Variants in ZNF610 observed in about 807,000 individuals in gnomAD.
The protein encoded by ZNF610 is zinc finger protein 610.
In ZNF610, 14 loss-of-function variants were observed where a neutral mutation model predicts 14.1. The ratio of observed to expected loss-of-function variants is 0.99; its 90% CI spans 0.65 to 1.55. The LOEUF (loss-of-function observed/expected upper bound fraction) is 1.55. Among genes scored for constraint, ZNF610 ranks in the 40% most tolerant of loss-of-function variants. The pLI, the probability that ZNF610 is intolerant of heterozygous loss-of-function variation, is 0.00. For missense variants in ZNF610, 530 were observed against 558.0 expected, an observed-to-expected ratio of 0.95 and a Z score of 0.51; for synonymous variants, 185 against 187.6, an observed-to-expected ratio of 0.99 and a Z score of 0.11.
rs114018702 is a variant in ZNF610, at chr19:52,339,308, C to T, written c.-258+2802C>T. 7.1e-3 allele frequency among the ~76,000 whole-genome samples: 1,078 copies of T among 152,014 alleles called. 16 individuals carry two copies. Among genetic ancestry groups the T allele is most frequent in the African/African-American group, 0.024 (1,004 of 41,468 alleles). The stretch of plus-strand genomic sequence containing the variant: ...CTCTTTCACTAATCCTCAGCACAGA[C>T]CCTTTATGGGTTCCAGGCTGGGGGA... On this transcript the variant is annotated intron_variant, in intron 1 of 5. Transcript: ENST00000403906.
intron 5 of ZNF610, among the ~76,000 whole-genome samples, chr19:52,358,824 T>G (rs1205109532): frequency 6.6e-6 from 1 of 152,256 alleles, no homozygotes; most frequent in African/African-American, 2.4e-5. Flanking sequence ...AGATAATTTT[T>G]GCATACGGTG....
chr19:52,334,470 G>A (rs989913422), upstream of ZNF610, among the ~76,000 whole-genome samples: 7 of 144,538 alleles, frequency 4.8e-5, no homozygotes, highest in South Asian at 2.2e-4. Flanking sequence ...CTGAGATTGC[G>A]CCACTGCACT....
At chr19:52,330,935 G>T in the ZNF610 span, among the ~76,000 whole-genome samples, 1 of 152,128 alleles carries the variant, frequency 6.6e-6, no homozygotes, top group South Asian at 2.1e-4. Flanking sequence ...TGATATACAT[G>T]AATGATTAAA....
intron 3 of ZNF610, among the ~76,000 whole-genome samples, chr19:52,350,383 T>A (rs968244117): frequency 3.3e-5 from 5 of 152,130 alleles, no homozygotes; most frequent in African/African-American, 1.2e-4. Flanking sequence ...TAGAAATATA[T>A]TTATACAGCA....
At chr19:52,349,306 C>T (rs1003402580) in intron 3 of ZNF610, 71 bp downstream of exon 3, 44 of 1,504,346 alleles carry the variant, frequency 2.9e-5, no homozygotes, top group African/African-American at 6.9e-5. Context: ...CTGCCTGACA[C>T]GTTTGCTCAC....
chr19:52,334,429 G>C (rs321924), upstream of ZNF610, among the ~76,000 whole-genome samples: 96,168 of 151,414 alleles, frequency 0.64, 30,830 homozygotes, highest in African/African-American at 0.71. Flanking sequence ...AGGAGAATTG[G>C]TTGAACCCGG....
intron 5 of ZNF610, among the ~76,000 whole-genome samples, chr19:52,362,687 T>G (rs1023179732): frequency 1.6e-4 from 24 of 152,266 alleles, no homozygotes; most frequent in Non-Finnish European, 7.3e-5. Context: ...ATTGGTTTTT[T>G]AGATGTGTTG....
upstream of ZNF610, among the ~76,000 whole-genome samples, chr19:52,333,328 G>A: frequency 6.6e-6 from 1 of 152,202 alleles, no homozygotes; most frequent in East Asian, 1.9e-4. Flanking sequence ...CGGTAACCAA[G>A]CCGACAAGGC....
At chr19:52,351,574 A>G (rs1296599225) in intron 3 of ZNF610, among the ~76,000 whole-genome samples, 1 of 151,616 alleles carries the variant, frequency 6.6e-6, no homozygotes, top group African/African-American at 2.4e-5. Context: ...AGCTTTGTCT[A>G]GGATGCATCC....
At chr19:52,334,089 C>T (rs916998356), upstream of ZNF610, among the ~76,000 whole-genome samples, 20 of 152,110 alleles carry the variant, frequency 1.3e-4, no homozygotes, top group African/African-American at 4.8e-4. Flanking sequence ...AACTGTAAAA[C>T]CCATACAAAA....
At chr19:52,330,807 T>G in the ZNF610 span, among the ~76,000 whole-genome samples, 1 of 152,148 alleles carries the variant, frequency 6.6e-6, no homozygotes, top group African/African-American at 2.4e-5. Context: ...CCTTCTAGAT[T>G]ATGGGAAGGC....
At position 52,366,443 on chromosome 19, in the gene ZNF610, G is replaced by A; in HGVS notation, c.1065G>A (p.Leu355=). Reference sequence around the variant, plus strand: ...ATGAATGTGGCAAGGTCTTTAGTCTGCTTTCATACCTTGCACGGCATCAAA... The same window carrying A: ...ATGAATGTGGCAAGGTCTTTAGTCTACTTTCATACCTTGCACGGCATCAAA... The part of the protein sequence containing the change: ...KCNECGKVFS[L]LSYLARHQII... The change falls in exon 6 of 6, where the codon CTG becomes CTA. Residue 355 remains leucine, a synonymous_variant. Coordinates refer to ENST00000403906, the MANE Select transcript of ZNF610 (RefSeq NM_001161425.2). The A allele has an allele frequency of 6.2e-7, 1 of 1,614,020 alleles. No homozygotes were observed. Among genetic ancestry groups the A allele is most frequent in the Non-Finnish European group, 8.5e-7 (1 of 1,180,014 alleles).
chr19:52,355,168 C>T (rs1175189068), intron 5 of ZNF610, among the ~76,000 whole-genome samples: 1 of 152,188 alleles, frequency 6.6e-6, no homozygotes, highest in Non-Finnish European at 1.5e-5. Context: ...CCAGGGGTCT[C>T]TTTCCCCTGT....
At chr19:52,335,882 G>T (rs1459670941), upstream of ZNF610, among the ~76,000 whole-genome samples, 3 of 152,078 alleles carry the variant, frequency 2.0e-5, no homozygotes, top group Non-Finnish European at 4.4e-5. Context: ...AGTCTACACT[G>T]AGTATAGCAC....
intron 5 of ZNF610, among the ~76,000 whole-genome samples, chr19:52,359,692 C>A (rs1232136302): frequency 6.6e-6 from 1 of 152,142 alleles, no homozygotes; most frequent in East Asian, 1.9e-4. Context: ...TTTTTTCCCA[C>A]ACATCAAGCA....
chr19:52,353,955 G>C (rs1985392727), intron 4 of ZNF610, 147 bp downstream of exon 4: 1 of 1,115,858 alleles, frequency 9.0e-7, no homozygotes, highest in Non-Finnish European at 1.3e-6. Flanking sequence ...ATGCTCTCTG[G>C]ATTTGAAATG....
chr19:52,337,538 G>T (rs550606109), intron 1 of ZNF610, among the ~76,000 whole-genome samples: 2 of 151,810 alleles, frequency 1.3e-5, no homozygotes, highest in Non-Finnish European at 2.9e-5. Flanking sequence ...AGCAGGAGAG[G>T]AGAGGGGCAG....
At chr19:52,361,807 T>C (rs1030739439) in intron 5 of ZNF610, among the ~76,000 whole-genome samples, 1 of 152,198 alleles carries the variant, frequency 6.6e-6, no homozygotes, top group African/African-American at 2.4e-5. Flanking sequence ...TTCATGACTT[T>C]AGTGCTTCTC....
At position 52,366,846 on chromosome 19, in the gene ZNF610, A is replaced by C. The variant is rs1436213244; in HGVS notation, c.*79A>C. On this transcript the variant is annotated 3_prime_UTR_variant, in exon 6 of 6. Transcript: ENST00000403906. ...AGGAGAAAAACCTTACAAATATCATAAATGTGGCAAAGAATTTAGTTTGCA... is the reference window on the plus strand; with the variant it reads ...AGGAGAAAAACCTTACAAATATCATCAATGTGGCAAAGAATTTAGTTTGCA... The C allele has an allele frequency of 2.6e-6, 3 of 1,152,248 alleles. No homozygotes were observed. Among genetic ancestry groups the C allele is most frequent in the Non-Finnish European group, 3.7e-6 (3 of 814,162 alleles). 71.4% of individuals were successfully genotyped at this position (1,152,248 alleles called of 1,614,324 possible).
Sources: gnomAD v4.1 joint callset for allele counts (sites outside exome capture counted in the v4.1 genomes callset) on GRCh38, gnomAD v4.1.1 for gene constraint, MANE v1.5 for transcripts, NCBI Gene and HGNC (gene_info 2026-07-23, HGNC 2026-07-21) for gene names.